RERE: variants seen among roughly 807,000 people sequenced by gnomAD.
The protein encoded by RERE is arginine-glutamic acid dipeptide repeats protein.
A neutral mutation model predicts 146.1 loss-of-function variants in RERE; 40 were observed. The observed-to-expected ratio is 0.27, with a 90% CI of 0.21 to 0.36. RERE has a LOEUF of 0.36. Ranked by LOEUF, RERE falls within the 10% of genes least tolerant of loss-of-function variation. The pLI, the probability that RERE is intolerant of heterozygous loss-of-function variation, is 1.00. For synonymous variants in RERE, 1,003 were observed against 866.0 expected (o/e 1.16, Z -2.78); for missense variants, 1,933 against 2,138.7 (o/e 0.90, Z 1.90).
chr1:8,492,069 G>C (rs1644986260), intron 10 of RERE, among the ~76,000 whole-genome samples: 1 of 152,116 alleles, frequency 6.6e-6, no homozygotes, highest in South Asian at 2.1e-4. Context: ...CAACAGTGAA[G>C]TACAAAAATT....
At chr1:8,749,829 G>A (rs565509220) in intron 1 of RERE, among the ~76,000 whole-genome samples, 23 of 152,228 alleles carry the variant, frequency 1.5e-4, no homozygotes, top group Non-Finnish European at 7.4e-5. Flanking sequence ...TTCTGAAAAA[G>A]CAATTCCACT....
At chr1:8,795,548 G>A (rs1641452183) in intron 1 of RERE, among the ~76,000 whole-genome samples, 1 of 152,142 alleles carries the variant, frequency 6.6e-6, no homozygotes, top group African/African-American at 2.4e-5. Context: ...TAAGGAAGTA[G>A]GGCACATAAT....
intron 1 of RERE, among the ~76,000 whole-genome samples, chr1:8,678,585 T>TGGGAGGCGGAGGTTGCA (rs60557689): frequency 0.038 from 5,724 of 150,698 alleles, 290 homozygotes; most frequent in African/African-American, 0.11. Context: ...CGATTGAACC[T>TGGGAGGCGGAGGTTGCA]GGGAGGCGGA....
intron 12 of RERE, among the ~76,000 whole-genome samples, chr1:8,397,756 C>T (rs1205193755): frequency 6.6e-6 from 1 of 152,202 alleles, no homozygotes; most frequent in Non-Finnish European, 1.5e-5. Context: ...CTCTTCTGAT[C>T]TTTCCTGTTC....
At chr1:8,725,112 A>T (rs762356014) in intron 1 of RERE, among the ~76,000 whole-genome samples, 1 of 152,202 alleles carries the variant, frequency 6.6e-6, no homozygotes, top group Non-Finnish European at 1.5e-5. Context: ...GACAGAAGTA[A>T]ACCTAATACT....
intron 12 of RERE, among the ~76,000 whole-genome samples, chr1:8,388,569 T>C (rs1212294155): frequency 6.6e-6 from 1 of 152,230 alleles, no homozygotes; most frequent in Non-Finnish European, 1.5e-5. Context: ...TCCGCCCGCC[T>C]TGGCCTCCCA....
At chr1:8,383,542 C>T (rs186469333) in intron 12 of RERE, among the ~76,000 whole-genome samples, 4 of 152,070 alleles carry the variant, frequency 2.6e-5, no homozygotes, top group Non-Finnish European at 5.9e-5. Context: ...TTAAATGTGT[C>T]GAAGAACATA....
intron 10 of RERE, among the ~76,000 whole-genome samples, chr1:8,494,119 G>GT (rs1342879540): frequency 1.1e-4 from 16 of 152,122 alleles, no homozygotes; most frequent in Non-Finnish European, 1.5e-4. Flanking sequence ...AATTATGATG[G>GT]TATGTCATGC....
intron 21 of RERE, 51 bp from the exon 22 acceptor site, chr1:8,355,650 A>C (rs1218207648): frequency 6.7e-7 from 1 of 1,490,358 alleles, no homozygotes; most frequent in Admixed American, 2.0e-5. Context: ...AGGACTGGCC[A>C]AGACCAGGGC....
intron 1 of RERE, among the ~76,000 whole-genome samples, chr1:8,796,963 A>G (rs1270631549): frequency 6.6e-6 from 1 of 152,192 alleles, no homozygotes; most frequent in African/African-American, 2.4e-5. Context: ...TCACAGACTT[A>G]GCCAGTGATA....
chr1:8,486,127 G>A (rs987033682), intron 10 of RERE, among the ~76,000 whole-genome samples: 2 of 152,146 alleles, frequency 1.3e-5, no homozygotes, highest in Non-Finnish European at 2.9e-5. Flanking sequence ...TTTCATACAT[G>A]TCTCTCAGTA....
In RERE at chr1:8,394,380, C is replaced by T. The variant is rs926227412; in HGVS notation, c.1284+28347G>A. Among the ~76,000 whole-genome samples, 7 of 152,262 alleles carry T rather than the reference C, an allele frequency of 4.6e-5. No individual in the cohort carries two copies. The East Asian group carries it at 5.8e-4, about 13-fold the overall frequency. ...TCAGATTCTCAAAATATTTGAAGTT[C>T]GACAACTACATACAGGCAAGATCAT... On this transcript the variant is annotated intron_variant, in intron 12 of 22. Coordinates refer to ENST00000400908, the MANE Select transcript of RERE (RefSeq NM_001042681.2).
intron 3 of RERE, among the ~76,000 whole-genome samples, chr1:8,615,255 A>G (rs1303713741): frequency 6.6e-6 from 1 of 152,238 alleles, no homozygotes. Context: ...ACAGAGGGAA[A>G]AAGACAATAT....
chr1:8,781,020 G>C (rs1357986087), intron 1 of RERE, among the ~76,000 whole-genome samples: 3 of 151,718 alleles, frequency 2.0e-5, no homozygotes, highest in Non-Finnish European at 4.4e-5. Context: ...CCAGAGGGTT[G>C]AGACCAGCCT....
At position 8,672,989 on chromosome 1, in the gene RERE, A is replaced by G. The variant is rs138285662; in HGVS notation, c.-144-16548T>C. The stretch of plus-strand genomic sequence containing the variant: ...TAGAATCGGAGGACAGAATGACTAG[A>G]ATCAGATGGAGGGAAGAAAAGGTTT... On this transcript the variant is annotated intron_variant, in intron 1 of 22. Coordinates refer to ENST00000400908, the MANE Select transcript of RERE (RefSeq NM_001042681.2). Among the ~76,000 whole-genome samples, 500 of 152,378 alleles carry G rather than the reference A, an allele frequency of 3.3e-3. 1 individual carries two copies. The highest frequency in any genetic ancestry group is 0.011 in the African/African-American group (473 of 41,594).
At chr1:8,761,516 C>A (rs771346147) in intron 1 of RERE, among the ~76,000 whole-genome samples, 5 of 152,212 alleles carry the variant, frequency 3.3e-5, no homozygotes, top group East Asian at 1.9e-4. Context: ...ACACCTCCCC[C>A]ACATGTAAGA....
At chr1:8,387,628 A>G (rs1369404148) in intron 12 of RERE, among the ~76,000 whole-genome samples, 4 of 152,244 alleles carry the variant, frequency 2.6e-5, no homozygotes, top group South Asian at 2.1e-4. Flanking sequence ...AAAAGTAAGC[A>G]AAAGATTTAT....
intron 12 of RERE, among the ~76,000 whole-genome samples, chr1:8,370,790 G>A (rs1263929271): frequency 1.3e-5 from 2 of 152,224 alleles, no homozygotes; most frequent in African/African-American, 4.8e-5. Flanking sequence ...GTGCTGCAGA[G>A]ACCCGCTGCA....
At chr1:8,625,558 G>A (rs1156626900) in intron 2 of RERE, among the ~76,000 whole-genome samples, 4 of 151,960 alleles carry the variant, frequency 2.6e-5, no homozygotes, top group Non-Finnish European at 4.4e-5. Flanking sequence ...CCCCTGCCTC[G>A]GCCTCCCAAA....
Sources: gnomAD v4.1 joint callset for allele counts (sites outside exome capture counted in the v4.1 genomes callset) on GRCh38, gnomAD v4.1.1 for gene constraint, MANE v1.5 for transcripts, NCBI Gene and HGNC (gene_info 2026-07-23, HGNC 2026-07-21) for gene names.